SYTL5: variants seen among roughly 807,000 people sequenced by gnomAD.
The protein encoded by SYTL5 is synaptotagmin-like protein 5.
In SYTL5, 34 loss-of-function variants were observed where a neutral mutation model predicts 55.9. That is an observed-to-expected ratio of 0.61 (90% confidence interval 0.46 to 0.81). The LOEUF is 0.81. Among genes scored for constraint, SYTL5 ranks in the 30% least tolerant of loss-of-function variants. SYTL5 has a pLI of 0.00. For missense variants in SYTL5, 637 were observed against 546.7 expected (o/e 1.17, Z -1.65); for synonymous variants, 221 against 188.7 (o/e 1.17, Z -1.40).
intron 8 of SYTL5, among the ~76,000 whole-genome samples, chrX:38,095,723 GA>G (rs1444318131): frequency 7.2e-5 from 8 of 111,136 alleles, no homozygotes. Context: ...TGTCAAATCT[GA>G]AAACACAGTG....
At chrX:37,975,015 G>C in the SYTL5 span, among the ~76,000 whole-genome samples, 1 of 112,041 alleles carries the variant, frequency 8.9e-6, no homozygotes, top group African/African-American at 3.2e-5. Context: ...CAGGGTTTGC[G>C]TGAACATAGT....
the SYTL5 span, among the ~76,000 whole-genome samples, chrX:37,916,054 G>A: frequency 1.8e-5 from 2 of 111,033 alleles, no homozygotes; most frequent in Non-Finnish European, 3.8e-5. Context: ...TGTGCCATAA[G>A]AGGACTTTAC....
chrX:38,125,224 C>T (rs1206894708), intron 15 of SYTL5, 74 bp from the exon 16 acceptor site: 27 of 894,488 alleles, frequency 3.0e-5, no homozygotes, highest in Non-Finnish European at 3.6e-5. Flanking sequence ...CAAATAGACA[C>T]ATCACACTTG....
chrX:37,972,379 A>G, the SYTL5 span, among the ~76,000 whole-genome samples: 2 of 111,440 alleles, frequency 1.8e-5, no homozygotes, highest in South Asian at 3.9e-4. Context: ...CCAACTCAGA[A>G]TAAATCAAGG....
the SYTL5 span, among the ~76,000 whole-genome samples, chrX:37,898,284 C>T: frequency 0.19 from 21,229 of 110,777 alleles, 4,055 homozygotes; most frequent in African/African-American, 0.59. Context: ...CCTCCTAATA[C>T]TATCACATGG....
chrX:37,948,376 TA>T, the SYTL5 span, among the ~76,000 whole-genome samples: 1 of 110,394 alleles, frequency 9.1e-6, no homozygotes, highest in African/African-American at 3.3e-5. Context: ...TTTTTAAAAA[TA>T]AAAAAGCATA....
At chrX:37,977,765 T>G in the SYTL5 span, among the ~76,000 whole-genome samples, 1 of 105,421 alleles carries the variant, frequency 9.5e-6, no homozygotes, top group East Asian at 3.0e-4. Context: ...GTATGAAGAT[T>G]TCTTACTCAC....
chrX:38,032,252 T>C (rs1420000479), intron 1 of SYTL5, among the ~76,000 whole-genome samples: 1 of 111,641 alleles, frequency 9.0e-6, no homozygotes, highest in Non-Finnish European at 1.9e-5. Context: ...AGGGACAGTA[T>C]CATGGGATGA....
intron 2 of SYTL5, among the ~76,000 whole-genome samples, chrX:38,038,077 G>A (rs1443709782): frequency 9.0e-6 from 1 of 111,523 alleles, no homozygotes; most frequent in Non-Finnish European, 1.9e-5. Context: ...CCTTCAGCGG[G>A]TTAGACGAGG....
chrX:37,892,355 T>C, the SYTL5 span, among the ~76,000 whole-genome samples: 6 of 106,707 alleles, frequency 5.6e-5, no homozygotes, highest in Non-Finnish European at 7.7e-5. Flanking sequence ...TATTTATTTA[T>C]TTATATATAA....
At chrX:38,006,895 C>A (rs58512382) in intron 1 of SYTL5, among the ~76,000 whole-genome samples, 4,581 of 110,998 alleles carry the variant, frequency 0.041, 242 homozygotes, top group African/African-American at 0.14. Context: ...ATATAAGTAT[C>A]TTTTTGTTAT....
chrX:38,074,290 T>C (rs1420506787), intron 5 of SYTL5, among the ~76,000 whole-genome samples: 1 of 111,944 alleles, frequency 8.9e-6, no homozygotes, highest in Admixed American at 9.5e-5. Context: ...GATCCCAAAA[T>C]ATAGGCTATA....
intron 7 of SYTL5, among the ~76,000 whole-genome samples, chrX:38,091,896 C>T (rs1188427371): frequency 2.7e-5 from 3 of 111,454 alleles, no homozygotes; most frequent in African/African-American, 6.5e-5. Context: ...CAGAAATTCC[C>T]TGCAATTTAG....
At chrX:38,041,647 A>G (rs1300283162) in intron 2 of SYTL5, among the ~76,000 whole-genome samples, 1 of 112,104 alleles carries the variant, frequency 8.9e-6, no homozygotes, top group African/African-American at 3.2e-5. Flanking sequence ...ACCAATTTCA[A>G]TATATAATTA....
the SYTL5 span, among the ~76,000 whole-genome samples, chrX:37,893,335 TACTATATAGTATATATAACATACTAC>T: frequency 4.0e-5 from 4 of 99,532 alleles, no homozygotes; most frequent in Non-Finnish European, 7.9e-5. Flanking sequence ...CTACACTATA[TACTATATAGTATATATAACATACTAC>T]ACTATATAGT....
the SYTL5 span, among the ~76,000 whole-genome samples, chrX:37,936,758 C>T: frequency 9.0e-6 from 1 of 110,961 alleles, no homozygotes; most frequent in Non-Finnish European, 1.9e-5. Flanking sequence ...TATATCAAAA[C>T]AGACTAGGTG....
the SYTL5 span, among the ~76,000 whole-genome samples, chrX:37,992,795 A>T: frequency 8.9e-6 from 1 of 112,153 alleles, no homozygotes; most frequent in East Asian, 2.8e-4. Context: ...TAATTTATGT[A>T]AGCAAAAGAG....
At chrX:38,014,990 C>T (rs181353208) in intron 1 of SYTL5, among the ~76,000 whole-genome samples, 69 of 111,973 alleles carry the variant, frequency 6.2e-4, no homozygotes, top group African/African-American at 2.1e-3. Context: ...CAGTTCCCAG[C>T]TTGACTTTTC....
chrX:37,920,573 T>C, the SYTL5 span, among the ~76,000 whole-genome samples: 1 of 111,353 alleles, frequency 9.0e-6, no homozygotes, highest in South Asian at 3.8e-4. Flanking sequence ...TCTGCCTGGA[T>C]GAGATCAAGA....
Sources: allele counts gnomAD v4.1 joint callset (sites outside exome capture counted in the v4.1 genomes callset), GRCh38; gene constraint gnomAD v4.1.1; transcripts MANE v1.5; gene names NCBI Gene and HGNC (gene_info 2026-07-23, HGNC 2026-07-21).